The following ARK2N variants were observed in gnomAD, a reference collection of about 807,000 sequenced individuals.
The protein encoded by ARK2N is protein ARK2N.
At chr18:46,188,051 C>G in the ARK2N span, among the ~76,000 whole-genome samples, 1,610 of 152,168 alleles carry the variant, frequency 0.011, 37 homozygotes, top group African/African-American at 0.037. Context: ...TAAGTAAGCA[C>G]AGTATGGAAG....
At chr18:46,185,923 G>A in the ARK2N span, among the ~76,000 whole-genome samples, 1 of 152,156 alleles carries the variant, frequency 6.6e-6, no homozygotes, top group Non-Finnish European at 1.5e-5. Context: ...GGAGGTGGAG[G>A]TTTCTGTGAG....
At chr18:46,182,985 A>G in the ARK2N span, among the ~76,000 whole-genome samples, 1 of 152,090 alleles carries the variant, frequency 6.6e-6, no homozygotes, top group African/African-American at 2.4e-5. Flanking sequence ...CTGTATTAAT[A>G]TTAGAGTTCC....
At chr18:46,194,198 T>C in the ARK2N span, among the ~76,000 whole-genome samples, 1 of 152,028 alleles carries the variant, frequency 6.6e-6, no homozygotes, top group African/African-American at 2.4e-5. Context: ...GCAGTTCTCC[T>C]GCGTTGGCCT....
chr18:46,178,966 G>A, the ARK2N span, among the ~76,000 whole-genome samples: 1 of 151,146 alleles, frequency 6.6e-6, no homozygotes, highest in Non-Finnish European at 1.5e-5. Context: ...TTTTTGAGAT[G>A]GAGTTTTGCC....
At chr18:46,215,183 G>A in the ARK2N span, among the ~76,000 whole-genome samples, 1 of 152,164 alleles carries the variant, frequency 6.6e-6, no homozygotes. Flanking sequence ...GCCGGGTGTG[G>A]TGGTGTGCGC....
chr18:46,193,476 A>G, the ARK2N span, among the ~76,000 whole-genome samples: 3 of 150,882 alleles, frequency 2.0e-5, no homozygotes, highest in African/African-American at 7.3e-5. Flanking sequence ...TTTAGTAGAG[A>G]TGGGGTTTCA....
the ARK2N span, among the ~76,000 whole-genome samples, chr18:46,204,147 A>T: frequency 6.6e-6 from 1 of 151,356 alleles, no homozygotes; most frequent in African/African-American, 2.4e-5. Context: ...TTTAGTATCA[A>T]TTTTATATAA....
chr18:46,255,248 T>G, the ARK2N span, among the ~76,000 whole-genome samples: 1 of 151,992 alleles, frequency 6.6e-6, no homozygotes, highest in African/African-American at 2.4e-5. Context: ...GGATGTAGAG[T>G]TAATTTGTAG....
the ARK2N span, among the ~76,000 whole-genome samples, chr18:46,201,145 A>G: frequency 6.6e-6 from 1 of 151,666 alleles, no homozygotes; most frequent in African/African-American, 2.4e-5. Context: ...TGTCCTGCTA[A>G]TTTTCAAAAT....
At chr18:46,175,838 G>A in the ARK2N span, among the ~76,000 whole-genome samples, 69 of 152,238 alleles carry the variant, frequency 4.5e-4, no homozygotes, top group African/African-American at 1.6e-3. Context: ...AATTTTTTCT[G>A]ACAACTTTTT....
At chr18:46,175,129 C>T in the ARK2N span, among the ~76,000 whole-genome samples, 1 of 151,378 alleles carries the variant, frequency 6.6e-6, no homozygotes, top group Non-Finnish European at 1.5e-5. Flanking sequence ...CGCCCCGACC[C>T]CCGTCCCCGG....
At chr18:46,192,883 CA>C in the ARK2N span, among the ~76,000 whole-genome samples, 1,698 of 139,404 alleles carry the variant, frequency 0.012, 29 homozygotes, top group African/African-American at 0.04. Flanking sequence ...GAGACTGTCT[CA>C]AAAAAAAAAA....
the ARK2N span, among the ~76,000 whole-genome samples, chr18:46,231,145 A>C: frequency 1.3e-5 from 2 of 152,244 alleles, no homozygotes; most frequent in Admixed American, 6.5e-5. Flanking sequence ...AGAGCCCAAC[A>C]AGGTCAAGTT....
At chr18:46,215,978 G>T in the ARK2N span, 43 of 1,614,134 alleles carry the variant, frequency 2.7e-5, no homozygotes, top group Non-Finnish European at 3.6e-5. Context: ...GAGGAAGATG[G>T]ATCTGTAGAA....
At chr18:46,239,650 GT>G in the ARK2N span, among the ~76,000 whole-genome samples, 1 of 152,014 alleles carries the variant, frequency 6.6e-6, no homozygotes. Flanking sequence ...ATTTGCATCA[GT>G]TTTTTCCTTT....
At chr18:46,215,756 GTGT>G in the ARK2N span, 1 of 914,088 alleles carries the variant, frequency 1.1e-6, no homozygotes, top group Non-Finnish European at 1.7e-6. Flanking sequence ...TAGGCATGTT[GTGT>G]TGACTAAATA....
chr18:46,243,069 T>C, the ARK2N span, among the ~76,000 whole-genome samples: 6 of 152,348 alleles, frequency 3.9e-5, no homozygotes, highest in African/African-American at 1.4e-4. Context: ...ATGAAGCTTA[T>C]TGGCTCTTTC....
At chr18:46,191,985 ACTT>A in the ARK2N span, among the ~76,000 whole-genome samples, 37 of 152,114 alleles carry the variant, frequency 2.4e-4, no homozygotes, top group Non-Finnish European at 8.8e-5. Context: ...TTGGTAGCTC[ACTT>A]CTTCTTATGG....
At chr18:46,200,783 A>ATT in the ARK2N span, among the ~76,000 whole-genome samples, 2 of 149,158 alleles carry the variant, frequency 1.3e-5, no homozygotes, top group Non-Finnish European at 1.5e-5. Context: ...TGATTACATC[A>ATT]TTTTTTTTTT....
Sources: allele counts gnomAD v4.1 joint callset (sites outside exome capture counted in the v4.1 genomes callset), GRCh38; gene constraint gnomAD v4.1.1; transcripts MANE v1.5; gene names NCBI Gene and HGNC (gene_info 2026-07-23, HGNC 2026-07-21).